The following RIPOR2 variants were observed in gnomAD, a reference collection of about 807,000 sequenced individuals.
RIPOR2 encodes the protein rho family-interacting cell polarization regulator 2.
A neutral mutation model predicts 114.5 loss-of-function variants in RIPOR2; 39 were observed. The ratio of observed to expected loss-of-function variants is 0.34; its 90% CI spans 0.26 to 0.44. The LOEUF is 0.44. Among genes scored for constraint, RIPOR2 ranks in the 20% least tolerant of loss-of-function variants. RIPOR2 has a pLI of 1.00. For missense variants in RIPOR2, 1,007 were observed against 1,255.1 expected (o/e 0.80, Z 2.99); for synonymous variants, 445 against 484.4 (o/e 0.92, Z 1.07).
At chr6:24,988,307 T>G (rs1185118237) in intron 1 of RIPOR2, among the ~76,000 whole-genome samples, 1 of 152,144 alleles carries the variant, frequency 6.6e-6, no homozygotes, top group African/African-American at 2.4e-5. Context: ...TGCCTCAGCC[T>G]CCCAAGTAGC....
intron 1 of RIPOR2, among the ~76,000 whole-genome samples, chr6:24,887,067 T>C (rs1766904510): frequency 6.6e-6 from 1 of 152,230 alleles, no homozygotes; most frequent in Admixed American, 6.5e-5. Context: ...AATCCACTAC[T>C]ATAATTTGAT....
In RIPOR2 at chr6:24,869,094, C is replaced by T; in HGVS notation, c.501G>A (p.Lys167=). 1 of 1,551,270 alleles carries T rather than the reference C, an allele frequency of 6.4e-7. No individual in the cohort carries two copies. The part of the protein sequence containing the change: ...YMRRLEFHIS[K]VDELYEAYCI... ...CAATGAGAACAGGAATTTCAGTTAC[C>T]TTACTTATATGAAACTCCAGGCGTC... Residue 167 remains lysine, a splice_region_variant and synonymous_variant, in exon 6 of 22, where the codon AAG becomes AAA. Transcript: ENST00000643898.
At chr6:24,905,622 A>T (rs1455171170) in intron 1 of RIPOR2, among the ~76,000 whole-genome samples, 2 of 152,236 alleles carry the variant, frequency 1.3e-5, no homozygotes, top group Non-Finnish European at 2.9e-5. Context: ...GGCCAAAGCC[A>T]AGTCATTCCA....
chr6:24,954,149 G>A (rs188752673), intron 1 of RIPOR2, among the ~76,000 whole-genome samples: 46 of 152,314 alleles, frequency 3.0e-4, no homozygotes, highest in Admixed American at 9.8e-4. Context: ...AAATTACCTG[G>A]AGGGCGGGTT....
At chr6:24,932,006 ATCATCATTG>A in intron 1 of RIPOR2, 1 of 152,986 alleles carries the variant, frequency 6.5e-6, no homozygotes, top group Non-Finnish European at 1.5e-5. Flanking sequence ...TTCAATTGTC[ATCATCATTG>A]TCATCATCAT....
intron 1 of RIPOR2, among the ~76,000 whole-genome samples, chr6:24,978,120 T>TA (rs1446355817): frequency 1.3e-5 from 2 of 152,218 alleles, no homozygotes; most frequent in Non-Finnish European, 2.9e-5. Context: ...AGAACTGCTT[T>TA]AAAAACTACT....
chr6:24,807,688 C>T (rs1780860167), intron 21 of RIPOR2, among the ~76,000 whole-genome samples: 1 of 152,180 alleles, frequency 6.6e-6, no homozygotes, highest in Non-Finnish European at 1.5e-5. Flanking sequence ...TGGCTGCTGT[C>T]ATACTGGACA....
intron 1 of RIPOR2, among the ~76,000 whole-genome samples, chr6:25,025,494 T>C (rs6929749): frequency 0.22 from 33,263 of 151,990 alleles, 4,725 homozygotes; most frequent in East Asian, 0.65. Flanking sequence ...AAAATGACAG[T>C]GACAGATAAA....
chr6:24,853,909 A>T (rs529817600), intron 8 of RIPOR2, among the ~76,000 whole-genome samples: 1 of 152,248 alleles, frequency 6.6e-6, no homozygotes, highest in Non-Finnish European at 1.5e-5. Flanking sequence ...TGAGCTCAGG[A>T]GTTCAAGACA....
Position 24,883,599 on chromosome 6 carries a change from T to A in RIPOR2, c.62-7782A>T, listed in dbSNP as rs149464123. Reference sequence around the variant, plus strand: ...GTCCACTTAAGATGAGTAAATTTTATGGTATGTGAATTGTACATCAATAAA... The same window carrying A: ...GTCCACTTAAGATGAGTAAATTTTAAGGTATGTGAATTGTACATCAATAAA... On this transcript the variant is annotated intron_variant, in intron 1 of 21. Coordinates refer to ENST00000643898, the MANE Select transcript of RIPOR2 (RefSeq NM_001286445.3). The surrounding 1 kb of genome is among the most constrained non-coding windows in gnomAD (Gnocchi z 4.1). Among the ~76,000 whole-genome samples the A allele has an allele frequency of 2.5e-3, 375 of 152,304 alleles. No homozygotes were observed. The highest frequency in any genetic ancestry group is 8.5e-3 in the African/African-American group (353 of 41,570).
Position 24,999,847 on chromosome 6 carries a change from C to T in RIPOR2, c.76+42004G>A, listed in dbSNP as rs145280045. Among the ~76,000 whole-genome samples, 260 of 152,286 alleles carry T rather than the reference C, an allele frequency of 1.7e-3. 2 individuals are homozygous for T. Among genetic ancestry groups the T allele is most frequent in the African/African-American group, 4.5e-3 (189 of 41,552 alleles). On this transcript the variant is annotated intron_variant, in intron 1 of 13. Transcript: ENST00000510784. Reference sequence around the variant, plus strand: ...CTGGGATTACAGGCATGAGCTACCGCGCCCAGCCCTGACTCATCCTTGAAT... The same window carrying T: ...CTGGGATTACAGGCATGAGCTACCGTGCCCAGCCCTGACTCATCCTTGAAT...
intron 13 of RIPOR2, chr6:24,840,525 C>T (rs955485557): frequency 9.8e-6 from 14 of 1,423,612 alleles, no homozygotes; most frequent in East Asian, 5.2e-5. Flanking sequence ...TGGGGTGGGT[C>T]GAATGGGACA....
intron 1 of RIPOR2, chr6:24,910,767 G>C: frequency 2.0e-6 from 2 of 977,416 alleles, no homozygotes; most frequent in Non-Finnish European, 2.4e-6. Flanking sequence ...ACCTCACCGC[G>C]TTGTACGCAA....
chr6:25,026,055 T>TG lies in RIPOR2; in HGVS notation c.76+15795_76+15796insC, dbSNP rs1306046301. On this transcript the variant is annotated intron_variant, in intron 1 of 13. Coordinates refer to the RIPOR2 transcript ENST00000510784. Reference sequence around the variant, plus strand: ...GTTACAAAGATTGTTGTTTTTTTTTTTTGTTTCTGAGTCACAAGCAAGTCA... The same window carrying TG: ...GTTACAAAGATTGTTGTTTTTTTTTTGTTGTTTCTGAGTCACAAGCAAGTCA... Among the ~76,000 whole-genome samples, 17 of 150,566 alleles carry TG rather than the reference T, an allele frequency of 1.1e-4. No homozygotes were observed. The East Asian group carries it at 1.2e-3, about 10-fold the overall frequency.
intron 1 of RIPOR2, among the ~76,000 whole-genome samples, chr6:24,963,976 T>C (rs674720): frequency 0.82 from 125,280 of 152,144 alleles, 54,350 homozygotes; most frequent in East Asian, 0.96. Flanking sequence ...CTCGAATTCC[T>C]GGACTAAAGC....
chr6:24,857,224 C>T (rs1763558986), intron 8 of RIPOR2, among the ~76,000 whole-genome samples: 1 of 152,188 alleles, frequency 6.6e-6, no homozygotes, highest in Non-Finnish European at 1.5e-5. Context: ...AGGTTTCTTA[C>T]AGGCTCTTGT....
At chr6:24,839,012 G>C (rs1417782044) in intron 14 of RIPOR2, 79 bp downstream of exon 14, 45 of 1,178,762 alleles carry the variant, frequency 3.8e-5, no homozygotes, top group Non-Finnish European at 4.3e-5. Context: ...TGTGTACCAG[G>C]TCCCCTCTGA....
At chr6:24,929,889 C>A (rs1771240830) in intron 1 of RIPOR2, among the ~76,000 whole-genome samples, 1 of 152,080 alleles carries the variant, frequency 6.6e-6, no homozygotes, top group South Asian at 2.1e-4. Flanking sequence ...ACCTGGGCAA[C>A]ATAGTGAGAG....
intron 1 of RIPOR2, among the ~76,000 whole-genome samples, chr6:24,894,677 C>T (rs759775831): frequency 1.2e-4 from 18 of 152,146 alleles, no homozygotes; most frequent in Non-Finnish European, 2.1e-4. Context: ...CGTCCCCAGG[C>T]GTTTTACTTT....
Sources: allele counts gnomAD v4.1 joint callset (sites outside exome capture counted in the v4.1 genomes callset), GRCh38; gene constraint gnomAD v4.1.1; non-coding constraint Gnocchi (gnomAD v3.1); transcripts MANE v1.5; gene names NCBI Gene and HGNC (gene_info 2026-07-23, HGNC 2026-07-21).